The following PCDHGC5 variants were observed in gnomAD, a reference collection of about 807,000 sequenced individuals.
PCDHGC5 encodes protocadherin gamma-C5.
In PCDHGC5, 25 loss-of-function variants were observed where a neutral mutation model predicts 59.0. That is an observed-to-expected ratio of 0.42 (90% CI 0.31 to 0.59). PCDHGC5 has a LOEUF of 0.59. Among genes scored for constraint, PCDHGC5 ranks in the 20% least tolerant of loss-of-function variants. PCDHGC5 has a pLI of 0.13. For missense variants in PCDHGC5, 1,067 were observed against 1,206.4 expected (o/e 0.88, Z 1.71); for synonymous variants, 434 against 505.5 (o/e 0.86, Z 1.90).
intron 2 of PCDHGC5, among the ~76,000 whole-genome samples, chr5:141,495,407 C>T: frequency 6.6e-6 from 1 of 152,218 alleles, no homozygotes; most frequent in East Asian, 1.9e-4. Flanking sequence ...AGGCCCCCTT[C>T]TCCGGCCCCT....
Position 141,491,730 on chromosome 5 carries a change from C to A in PCDHGC5, c.2460+30C>A, listed in dbSNP as rs1346666614. ...GGGGCTCGGCGCCGCCCCGGGCGAC[C>A]CCTGGGGGCGGCACTGGAGAAGCCG... On this transcript the variant is annotated intron_variant, in intron 1 of 3. Coordinates refer to ENST00000252087, the MANE Select transcript of PCDHGC5 (RefSeq NM_018929.3). This position sits in a 1 kb window ranked among gnomAD's most constrained non-coding sequence, Gnocchi z 6.9. 3.1e-6 allele frequency: 5 copies of A among 1,603,920 alleles called. No individual in the cohort carries two copies. The East Asian group carries it at 6.7e-5, about 22-fold the overall frequency.
At chr5:141,500,723 G>A (rs6875791) in intron 2 of PCDHGC5, among the ~76,000 whole-genome samples, 4,890 of 152,100 alleles carry the variant, frequency 0.032, 255 homozygotes, top group African/African-American at 0.11. Flanking sequence ...ATTTCCCCAT[G>A]TCTTTCAAAA....
At chr5:141,500,184 T>TTATA (rs530565701) in intron 2 of PCDHGC5, among the ~76,000 whole-genome samples, 2 of 135,886 alleles carry the variant, frequency 1.5e-5, no homozygotes, top group Non-Finnish European at 3.2e-5. Flanking sequence ...TCATTTTTAT[T>TTATA]TTTATTTATT....
Position 141,494,842 on chromosome 5 carries a change from G to A in PCDHGC5, c.2496G>A (p.Gln832=). 1 of 1,614,116 alleles carries A rather than the reference G, an allele frequency of 6.2e-7. No homozygotes were observed. Among genetic ancestry groups the A allele is most frequent in the Non-Finnish European group, 8.5e-7 (1 of 1,180,018 alleles). The change falls in exon 2 of 4, where the codon CAG becomes CAA. Residue 832 remains glutamine, a synonymous_variant. Coordinates refer to ENST00000252087, the MANE Select transcript of PCDHGC5 (RefSeq NM_018929.3). ...APPNTDWRFS[Q]AQRPGTSGSQ... is the part of the protein sequence containing the mutation. ...CCAACACGGACTGGCGTTTCTCTCA[G>A]GCCCAGAGACCCGGCACCAGCGGGT... is the stretch of plus-strand genomic sequence containing the variant.
rs1316573600 is a variant in PCDHGC5 at position 141,490,443 on chromosome 5, G to A, written c.1203G>A (p.Glu401=). The A allele has an allele frequency of 1.2e-6, 2 of 1,614,174 alleles. No individual in the cohort carries two copies. Among genetic ancestry groups the A allele is most frequent in the Non-Finnish European group, 8.5e-7 (1 of 1,180,042 alleles). The change falls in exon 1 of 4, where the codon GAG becomes GAA. Residue 401 remains glutamate, a synonymous_variant. Coordinates refer to ENST00000252087, the MANE Select transcript of PCDHGC5 (RefSeq NM_018929.3). The surrounding 1 kb of genome is among the most constrained non-coding windows in gnomAD (Gnocchi z 5.4). ...TGCCATTTCAGATTAAGCCTTCTGA[G>A]AACCACTACTCGCTGCTAACCAGCC... The part of the protein sequence containing the change: ...PDLPFQIKPS[E]NHYSLLTSQP...
At chr5:141,498,881 T>C (rs9686648) in intron 2 of PCDHGC5, among the ~76,000 whole-genome samples, 77,838 of 149,554 alleles carry the variant, frequency 0.52, 20,828 homozygotes, top group African/African-American at 0.65. Flanking sequence ...TGCAGTGAGC[T>C]GAGATCACAC....
intron 2 of PCDHGC5, among the ~76,000 whole-genome samples, chr5:141,503,239 C>G (rs1364808315): frequency 6.6e-6 from 1 of 152,088 alleles, no homozygotes; most frequent in Non-Finnish European, 1.5e-5. Flanking sequence ...TGGACAGTTT[C>G]TATCATACTC....
At position 141,490,171 on chromosome 5, in the gene PCDHGC5, G is replaced by A. The variant is rs374421995; in HGVS notation, c.931G>A (p.Glu311Lys). 4 of 1,614,100 alleles carry A rather than the reference G, an allele frequency of 2.5e-6. No individual in the cohort carries two copies. The highest frequency in any genetic ancestry group is 3.4e-6 in the Non-Finnish European group (4 of 1,180,034). Residue 311 changes from glutamate to lysine, a missense_variant, in exon 1 of 4, where the codon GAG becomes AAG. Glu to Lys is a moderately conservative substitution (Grantham distance 56). Coordinates refer to ENST00000252087, the MANE Select transcript of PCDHGC5 (RefSeq NM_018929.3). The surrounding 1 kb of genome is among the most constrained non-coding windows in gnomAD (Gnocchi z 5.4). ...AIHVLGPIDF[E>K]ESRFYEIHAR... ...CCATGTGTTGGGTCCCATAGACTTT[G>A]AGGAGTCACGTTTCTATGAAATTCA...
chr5:141,503,045 G>A (rs543484478), intron 2 of PCDHGC5, among the ~76,000 whole-genome samples: 1 of 151,702 alleles, frequency 6.6e-6, no homozygotes, highest in South Asian at 2.1e-4. Context: ...AGTTGAGACA[G>A]GGTTTCACCA....
In PCDHGC5 at chr5:141,511,028, T is replaced by G. The variant is rs1279056657; in HGVS notation, c.2690T>G (p.Leu897Arg). The G allele has an allele frequency of 3.7e-6, 6 of 1,614,084 alleles. No individual in the cohort carries two copies. The highest frequency in any genetic ancestry group is 1.7e-5 in the Admixed American group (1 of 60,004). ...LSARYGPQFT[L>R]QHVPDYRQNV... is the part of the protein sequence containing the mutation. The stretch of plus-strand genomic sequence containing the variant: ...GCCCGCTACGGACCCCAGTTCACCC[T>G]GCAGCACGTGCCCGACTACCGCCAG... Residue 897 changes from leucine to arginine, a missense_variant, in exon 4 of 4, where the codon CTG becomes CGG. Physicochemically the swap from Leu to Arg is moderately radical, Grantham distance 102. Transcript: ENST00000252087.
In PCDHGC5 at chr5:141,493,577, T is replaced by C. The variant is rs2099749081; in HGVS notation, c.2461-1230T>C. On this transcript the variant is annotated intron_variant, in intron 1 of 3. Coordinates refer to ENST00000252087, the MANE Select transcript of PCDHGC5 (RefSeq NM_018929.3). This position sits in a 1 kb window ranked among gnomAD's most constrained non-coding sequence, Gnocchi z 4.3. ...GAGTTCCCCCAGCTCCGTTTCCTCC[T>C]ATCACAATCACTGCATTTCCATGTA... Among the ~76,000 whole-genome samples, 2 of 152,208 alleles carry C rather than the reference T, an allele frequency of 1.3e-5. No homozygotes were observed. The highest frequency in any genetic ancestry group is 1.3e-4 in the Admixed American group (2 of 15,280).
intron 3 of PCDHGC5, among the ~76,000 whole-genome samples, chr5:141,509,633 GA>G (rs2099877629): frequency 6.6e-6 from 1 of 152,204 alleles, no homozygotes; most frequent in Non-Finnish European, 1.5e-5. Flanking sequence ...GGGTGATGCT[GA>G]GCCAGGGCCA....
rs560662076 is a variant in PCDHGC5, at chr5:141,498,856, C to A, written c.2519+3991C>A. Among the ~76,000 whole-genome samples, 72 of 152,004 alleles carry A rather than the reference C, an allele frequency of 4.7e-4. 2 individuals carry two copies. Among genetic ancestry groups the A allele is most frequent in the African/African-American group, 1.7e-3 (69 of 41,430 alleles). ...GCTGAGGCAGGGGAATCGCTTGAACCCAGGAGGCGGAGGTTGCAGTGAGCT... is the reference window on the plus strand; with the variant it reads ...GCTGAGGCAGGGGAATCGCTTGAACACAGGAGGCGGAGGTTGCAGTGAGCT... On this transcript the variant is annotated intron_variant, in intron 2 of 3. Coordinates refer to ENST00000252087, the MANE Select transcript of PCDHGC5 (RefSeq NM_018929.3).
At chr5:141,498,632 A>G (rs2099784830) in intron 2 of PCDHGC5, among the ~76,000 whole-genome samples, 1 of 152,118 alleles carries the variant, frequency 6.6e-6, no homozygotes, top group South Asian at 2.1e-4. Context: ...CACTGCCTAG[A>G]CAGAAGGAAG....
chr5:141,505,616 C>A, intron 3 of PCDHGC5, 135 bp downstream of exon 3: 1 of 1,503,160 alleles, frequency 6.7e-7, no homozygotes. Flanking sequence ...CTGAAAGGAC[C>A]CACAATTCCA....
chr5:141,511,581 T>C lies in PCDHGC5; in HGVS notation c.*408T>C, dbSNP rs2099883862. ...TCTTTCCCGAGTAAGGTGGTTGGGG[T>C]GTTGAAGTACCAAGTAACCTACAAG... On this transcript the variant is annotated 3_prime_UTR_variant, in exon 4 of 4. Transcript: ENST00000252087. 1 of 281,638 alleles carries C rather than the reference T, an allele frequency of 3.6e-6. No homozygotes were observed. The highest frequency in any genetic ancestry group is 2.2e-5 in the African/African-American group (1 of 46,302). 17.4% of individuals were successfully genotyped at this position (281,638 alleles called of 1,614,324 possible). A position where few individuals can be genotyped will look rare whatever the true frequency, so the allele number is the denominator to read the frequency against.
intron 2 of PCDHGC5, among the ~76,000 whole-genome samples, chr5:141,496,744 T>C (rs1383447795): frequency 6.6e-6 from 1 of 152,170 alleles, no homozygotes; most frequent in Non-Finnish European, 1.5e-5. Context: ...GTTCATTTAT[T>C]CAACAAATAT....
rs2233613 is a variant in PCDHGC5 at position 141,511,203 on chromosome 5, G to A, written c.*30G>A. 0.14 allele frequency: 222,603 copies of A among 1,611,360 alleles called. 15,640 individuals carry two copies. The highest frequency in any genetic ancestry group is 0.18 in the Admixed American group (10,873 of 59,374). ...GAGGCCAGGCCAAGAGCCACAGGGC[G>A]GCCTCTCCCCAACCAGCCCAGCTTC... On this transcript the variant is annotated 3_prime_UTR_variant, in exon 4 of 4. Transcript: ENST00000252087.
At position 141,490,370 on chromosome 5, in the gene PCDHGC5, G is replaced by C. The variant is rs768474199; in HGVS notation, c.1130G>C (p.Arg377Pro). ...GTGGGGTTGTTTAATGTGCGAGACC[G>C]GGACTCAGGTAGAAATGGTGAAGTG... ...TVVGLFNVRD[R>P]DSGRNGEVSL... The change falls in exon 1 of 4, where the codon CGG becomes CCG. Residue 377 changes from arginine (R) to proline (P), a missense_variant. Coordinates refer to ENST00000252087, the MANE Select transcript of PCDHGC5 (RefSeq NM_018929.3). The surrounding 1 kb of genome is among the most constrained non-coding windows in gnomAD (Gnocchi z 5.4). 1 of 1,614,172 alleles carries C rather than the reference G, an allele frequency of 6.2e-7. No individual in the cohort carries two copies. Among genetic ancestry groups the C allele is most frequent in the Admixed American group, 1.7e-5 (1 of 60,026 alleles).
Sources: allele counts gnomAD v4.1 joint callset (sites outside exome capture counted in the v4.1 genomes callset), GRCh38; gene constraint gnomAD v4.1.1; non-coding constraint Gnocchi (gnomAD v3.1); transcripts MANE v1.5; gene names NCBI Gene and HGNC (gene_info 2026-07-23, HGNC 2026-07-21).